ADAM19: variants seen among roughly 807,000 people sequenced by gnomAD.
The protein encoded by ADAM19 is ADAM metallopeptidase domain 19.
Under a neutral mutation model 114.7 loss-of-function variants are expected in ADAM19, and 65 were observed. The ratio of observed to expected loss-of-function variants is 0.57; its 90% confidence interval spans 0.46 to 0.70. ADAM19 has a LOEUF of 0.70. Ranked by LOEUF, ADAM19 falls within the 30% of genes least tolerant of loss-of-function variation. ADAM19 has a pLI of 0.00. For missense variants in ADAM19, 1,063 were observed against 1,204.7 expected, an observed-to-expected ratio of 0.88 and a Z score of 1.74; for synonymous variants, 466 against 460.5, an observed-to-expected ratio of 1.01 and a Z score of -0.15.
chr5:157,491,938 C>G, intron 16 of ADAM19, 26 bp from the exon 17 acceptor site: 2 of 1,611,534 alleles, frequency 1.2e-6, no homozygotes, highest in Non-Finnish European at 1.7e-6. Flanking sequence ...ACAGAACGAT[C>G]AGTGCAATGG....
chr5:157,492,017 C>A, intron 16 of ADAM19, 105 bp from the exon 17 acceptor site: 1 of 1,079,276 alleles, frequency 9.3e-7, no homozygotes, highest in Non-Finnish European at 1.4e-6. Flanking sequence ...CATGGCCCGG[C>A]CTGGTGGCTC....
intron 3 of ADAM19, among the ~76,000 whole-genome samples, chr5:157,552,019 C>T (rs62388527): frequency 0.039 from 6,000 of 152,116 alleles, 188 homozygotes; most frequent in South Asian, 0.16. Flanking sequence ...GGTGTGGTGG[C>T]GTGCACCTGT....
chr5:157,508,944 C>G (rs1755828268), intron 9 of ADAM19, among the ~76,000 whole-genome samples: 1 of 152,222 alleles, frequency 6.6e-6, no homozygotes, highest in South Asian at 2.1e-4. Flanking sequence ...TGTATTAGAA[C>G]AAAGCGCCAG....
chr5:157,520,041 G>A lies in ADAM19; in HGVS notation c.408-10C>T, dbSNP rs1214965713. ...CACCGTAATCAGTCCTCTGTTGAGA[G>A]GAGAAATAGAATCTCTGGTCAAAGA... On this transcript the variant is annotated splice_polypyrimidine_tract_variant and intron_variant, in intron 5 of 22. Transcript: ENST00000257527. The A allele has an allele frequency of 1.3e-6, 2 of 1,599,088 alleles. No homozygotes were observed. Among genetic ancestry groups the A allele is most frequent in the Non-Finnish European group, 1.7e-6 (2 of 1,171,334 alleles).
At chr5:157,519,790 A>T in intron 6 of ADAM19, 49 bp downstream of exon 6, 1 of 1,535,514 alleles carries the variant, frequency 6.5e-7, no homozygotes. Context: ...CTCAGAGGGG[A>T]CAAGCCTGTC....
In ADAM19 at chr5:157,530,902, G is replaced by T; in HGVS notation, c.331-19C>A. Reference sequence around the variant, plus strand: ...AGTGATCCTAGCAAGGAGAAAGGAGGTGGTCAGGCTAAAGAACACTGATAA... The same window carrying T: ...AGTGATCCTAGCAAGGAGAAAGGAGTTGGTCAGGCTAAAGAACACTGATAA... On this transcript the variant is annotated intron_variant, in intron 4 of 22. Coordinates refer to ENST00000257527, the MANE Select transcript of ADAM19 (RefSeq NM_033274.5). 1 of 1,606,738 alleles carries T rather than the reference G, an allele frequency of 6.2e-7. No homozygotes were observed. Among genetic ancestry groups the T allele is most frequent in the East Asian group, 2.2e-5 (1 of 44,852 alleles).
At chr5:157,551,944 C>T (rs1404127479) in intron 3 of ADAM19, among the ~76,000 whole-genome samples, 1 of 152,036 alleles carries the variant, frequency 6.6e-6, no homozygotes, top group African/African-American at 2.4e-5. Flanking sequence ...GAGTTTGAGA[C>T]TAGCCTGGTC....
intron 2 of ADAM19, among the ~76,000 whole-genome samples, chr5:157,569,437 T>TTTTA (rs1183071500): frequency 6.9e-6 from 1 of 145,976 alleles, no homozygotes; most frequent in Non-Finnish European, 1.5e-5. Flanking sequence ...TTTTTTTTTT[T>TTTTA]TGTAGAGATA....
At chr5:157,537,727 C>G (rs1260019339) in intron 4 of ADAM19, among the ~76,000 whole-genome samples, 186 bp downstream of exon 4, 2 of 152,184 alleles carry the variant, frequency 1.3e-5, no homozygotes, top group Non-Finnish European at 2.9e-5. Flanking sequence ...TTGTAGTCAG[C>G]AAAGGAGGAG....
At chr5:157,502,685 CAGTTATATGT>C in intron 12 of ADAM19, 108 bp downstream of exon 12, 1 of 1,103,382 alleles carries the variant, frequency 9.1e-7, no homozygotes, top group Non-Finnish European at 1.3e-6. Flanking sequence ...GGGTATTGGA[CAGTTATATGT>C]AGGAAACACC....
intron 1 of ADAM19, among the ~76,000 whole-genome samples, chr5:157,574,735 G>C (rs1757926650): frequency 6.6e-6 from 1 of 152,188 alleles, no homozygotes; most frequent in African/African-American, 2.4e-5. Context: ...TATAGCCCCC[G>C]AGGGATGGAG....
In ADAM19 at chr5:157,489,114, C is replaced by T; in HGVS notation, c.2313G>A (p.Gln771=). 2 of 1,614,100 alleles carry T rather than the reference C, an allele frequency of 1.2e-6. No individual in the cohort carries two copies. The highest frequency in any genetic ancestry group is 1.7e-6 in the Non-Finnish European group (2 of 1,179,970). Residue 771 remains glutamine, a synonymous_variant, in exon 20 of 23, where the codon CAG becomes CAA. Transcript: ENST00000257527. ...ANPTFKLQTP[Q]GKRKVINTPE... ...GCAAAGCTCTTACCTTTCGCTTGCC[C>T]TGGGGCGTCTGCAGCTTGAAAGTTG...
At chr5:157,509,999 G>C (rs1425102283) in intron 8 of ADAM19, among the ~76,000 whole-genome samples, 1 of 152,240 alleles carries the variant, frequency 6.6e-6, no homozygotes, top group Admixed American at 6.5e-5. Flanking sequence ...TGGCCAGGCT[G>C]TCTGGTACAA....
intron 1 of ADAM19, among the ~76,000 whole-genome samples, chr5:157,574,735 G>A (rs1757926650): frequency 6.6e-6 from 1 of 152,188 alleles, no homozygotes; most frequent in Non-Finnish European, 1.5e-5. Context: ...TATAGCCCCC[G>A]AGGGATGGAG....
At chr5:157,534,812 C>G (rs1756718327) in intron 4 of ADAM19, among the ~76,000 whole-genome samples, 1 of 152,190 alleles carries the variant, frequency 6.6e-6, no homozygotes, top group African/African-American at 2.4e-5. Context: ...AAGTCATTCA[C>G]AAGGTGACAC....
At chr5:157,556,321 C>G (rs897817165) in intron 3 of ADAM19, among the ~76,000 whole-genome samples, 1 of 139,578 alleles carries the variant, frequency 7.2e-6, no homozygotes, top group Non-Finnish European at 1.5e-5. Context: ...CGGGTTCAAG[C>G]AATTCTTCTG....
chr5:157,477,950 G>C lies in ADAM19; in HGVS notation c.*2999C>G, dbSNP rs1754640989. 2 of 318,422 alleles carry C rather than the reference G, an allele frequency of 6.3e-6. No individual in the cohort carries two copies. The highest frequency in any genetic ancestry group is 7.7e-5 in the East Asian group (1 of 12,924). The allele number at this position is 318,422 out of a possible 1,614,324, so 19.7% of individuals were successfully genotyped here. A position where few individuals can be genotyped will look rare whatever the true frequency, so the allele number is the denominator to read the frequency against. On this transcript the variant is annotated 3_prime_UTR_variant, in exon 23 of 23. Coordinates refer to ENST00000257527, the MANE Select transcript of ADAM19 (RefSeq NM_033274.5). ...GCAGAAAAAGGCTTTACTTTTATAG[G>C]GAGAAGTCAGCAAGGCTGAAAGGAA...
chr5:157,528,101 G>C (rs1237852597), intron 5 of ADAM19, among the ~76,000 whole-genome samples: 1 of 152,180 alleles, frequency 6.6e-6, no homozygotes, highest in East Asian at 1.9e-4. Context: ...CTAGTGTTTT[G>C]ACGACATGGG....
chr5:157,570,011 A>G (rs1393512561), intron 2 of ADAM19, among the ~76,000 whole-genome samples: 1 of 152,180 alleles, frequency 6.6e-6, no homozygotes, highest in African/African-American at 2.4e-5. Flanking sequence ...TGTAATCCCA[A>G]CACTTTGAGA....
Sources: gnomAD v4.1 joint callset for allele counts (sites outside exome capture counted in the v4.1 genomes callset) on GRCh38, gnomAD v4.1.1 for gene constraint, MANE v1.5 for transcripts, NCBI Gene and HGNC (gene_info 2026-07-23, HGNC 2026-07-21) for gene names.